Variants in SEMA6D observed in about 807,000 individuals in gnomAD.
The protein encoded by SEMA6D is semaphorin-6D.
Under a neutral mutation model 106.6 loss-of-function variants are expected in SEMA6D, and 35 were observed. That is an observed-to-expected ratio of 0.33 (90% CI 0.25 to 0.44). The LOEUF is 0.44. Ranked by LOEUF, SEMA6D falls within the 20% of genes least tolerant of loss-of-function variation. SEMA6D has a pLI of 1.00. For synonymous variants in SEMA6D, 499 were observed against 487.7 expected, an observed-to-expected ratio of 1.02 and a Z score of -0.31; for missense variants, 1,185 against 1,345.9, an observed-to-expected ratio of 0.88 and a Z score of 1.87.
chr15:47,457,626 A>T (rs887306651), intron 2 of SEMA6D, among the ~76,000 whole-genome samples: 1 of 151,990 alleles, frequency 6.6e-6, no homozygotes, highest in African/African-American at 2.4e-5. Flanking sequence ...CAATTTGAAG[A>T]TATTCCTTTA....
intron 4 of SEMA6D, among the ~76,000 whole-genome samples, chr15:47,693,803 G>C (rs2078640978): frequency 6.6e-6 from 1 of 152,024 alleles, no homozygotes; most frequent in Admixed American, 6.6e-5. Context: ...GGGTATGGTG[G>C]CTCATTCATA....
chr15:47,576,548 GGCAGCTCAACT>G (rs2076159218), intron 3 of SEMA6D, among the ~76,000 whole-genome samples: 1 of 152,206 alleles, frequency 6.6e-6, no homozygotes, highest in African/African-American at 2.4e-5. Context: ...ACCCATTAGA[GGCAGCTCAACT>G]GCACTAAATC....
intron 1 of SEMA6D, among the ~76,000 whole-genome samples, chr15:47,261,166 C>T (rs2034058425): frequency 1.3e-5 from 2 of 152,118 alleles, no homozygotes; most frequent in Non-Finnish European, 2.9e-5. Flanking sequence ...GCTTATTTTA[C>T]TAACCGAGTT....
chr15:47,329,791 C>T (rs978179532), intron 1 of SEMA6D, among the ~76,000 whole-genome samples: 1 of 152,174 alleles, frequency 6.6e-6, no homozygotes, highest in Non-Finnish European at 1.5e-5. Flanking sequence ...TGTTTTTTAA[C>T]AAGATCTTTC....
At position 47,459,283 on chromosome 15, in the gene SEMA6D, GC is replaced by G. The variant is rs201832193; in HGVS notation, c.-158-11189del. Among the ~76,000 whole-genome samples the G allele has an allele frequency of 5.1e-3, 777 of 152,130 alleles. 1 individual carries two copies. The highest frequency in any genetic ancestry group is 9.2e-3 in the Non-Finnish European group (625 of 67,974). ...ACCTCAGAGCAGCCTTCAGACAACA[GC>G]CTGTAGAAAGCCAGGCCCCTCATTC... On this transcript the variant is annotated intron_variant, in intron 2 of 19. Coordinates refer to the SEMA6D transcript ENST00000558014.
At chr15:47,225,801 A>G (rs2031614280) in intron 1 of SEMA6D, among the ~76,000 whole-genome samples, 1 of 152,028 alleles carries the variant, frequency 6.6e-6, no homozygotes, top group African/African-American at 2.4e-5. Flanking sequence ...AAGTGCTGGG[A>G]TTACAGGCGT....
At chr15:47,389,546 A>G (rs1033475847) in intron 1 of SEMA6D, among the ~76,000 whole-genome samples, 2 of 152,248 alleles carry the variant, frequency 1.3e-5, no homozygotes, top group African/African-American at 4.8e-5. Flanking sequence ...TTAGAGGTTA[A>G]CTATTGAGGT....
intron 2 of SEMA6D, among the ~76,000 whole-genome samples, chr15:47,442,587 A>G (rs1455305721): frequency 2.6e-5 from 4 of 152,108 alleles, no homozygotes; most frequent in Non-Finnish European, 4.4e-5. Flanking sequence ...AAACAGCAAC[A>G]TCTGTGGATG....
At position 47,551,673 on chromosome 15, in the gene SEMA6D, C is replaced by CTG. The variant is rs3050565; in HGVS notation, c.-86-49166_-86-49165dup. On this transcript the variant is annotated intron_variant, in intron 3 of 19. Transcript: ENST00000558014. Reference sequence around the variant, plus strand: ...CCATCGAAGTCTAACATCTGGGACTCTGTGTGTGTGTGTGTGTGTGTGTGT... The same window carrying CTG: ...CCATCGAAGTCTAACATCTGGGACTCTGTGTGTGTGTGTGTGTGTGTGTGTGT... Among the ~76,000 whole-genome samples the CTG allele has an allele frequency of 4.7e-4, 67 of 141,366 alleles. 2 individuals are homozygous for CTG. The South Asian group carries it at 5.7e-3, about 12-fold the overall frequency. 92.7% of individuals were successfully genotyped at this position (141,366 alleles called of 152,430 possible). A position where few individuals can be genotyped will look rare whatever the true frequency, so the allele number is the denominator to read the frequency against.
intron 3 of SEMA6D, among the ~76,000 whole-genome samples, chr15:47,568,832 A>G (rs982682826): frequency 1.3e-5 from 2 of 152,184 alleles, no homozygotes; most frequent in African/African-American, 4.8e-5. Context: ...GTGAGCTAAC[A>G]CACATAACAG....
intron 3 of SEMA6D, among the ~76,000 whole-genome samples, chr15:47,593,568 A>G (rs936487592): frequency 6.6e-6 from 1 of 152,014 alleles, no homozygotes; most frequent in Non-Finnish European, 1.5e-5. Context: ...ACACCAAGAC[A>G]TTCTCCCTTC....
At chr15:47,193,029 G>C (rs983051442) in intron 1 of SEMA6D, among the ~76,000 whole-genome samples, 2 of 152,088 alleles carry the variant, frequency 1.3e-5, no homozygotes, top group Non-Finnish European at 2.9e-5. Flanking sequence ...TTTGGGCCTG[G>C]ATCATTGCCT....
intron 3 of SEMA6D, among the ~76,000 whole-genome samples, chr15:47,481,024 G>A (rs1015750705): frequency 6.6e-6 from 1 of 152,144 alleles, no homozygotes; most frequent in Admixed American, 6.6e-5. Flanking sequence ...TTATAAGGCT[G>A]CCTCCACTAT....
chr15:47,227,429 C>CTTTCTTTCT (rs1273454379), intron 1 of SEMA6D, among the ~76,000 whole-genome samples: 2 of 145,722 alleles, frequency 1.4e-5, no homozygotes, highest in East Asian at 2.0e-4. Context: ...CTCTTTCTTT[C>CTTTCTTTCT]TTTCTTTCTT....
chr15:47,642,643 C>T (rs1214729681), intron 4 of SEMA6D, among the ~76,000 whole-genome samples: 1 of 152,056 alleles, frequency 6.6e-6, no homozygotes, highest in Admixed American at 6.5e-5. Context: ...GTGGCCCAGC[C>T]GGGAGTCTGT....
chr15:47,686,930 A>G (rs8026338), intron 4 of SEMA6D, among the ~76,000 whole-genome samples: 108,776 of 151,590 alleles, frequency 0.72, 39,673 homozygotes, highest in African/African-American at 0.87. Flanking sequence ...TCTAAGAGGG[A>G]TGGCTTGTAC....
chr15:47,193,199 C>G (rs1425570596), intron 1 of SEMA6D, among the ~76,000 whole-genome samples: 1 of 152,158 alleles, frequency 6.6e-6, no homozygotes, highest in Admixed American at 6.5e-5. Flanking sequence ...CAGGTTACTT[C>G]TCTTCCATTT....
chr15:47,292,884 C>T (rs2035650209), intron 1 of SEMA6D, among the ~76,000 whole-genome samples: 1 of 152,156 alleles, frequency 6.6e-6, no homozygotes, highest in African/African-American at 2.4e-5. Context: ...CAAATATTTG[C>T]TCTTCATTTC....
At chr15:47,228,873 C>A (rs929890464) in intron 1 of SEMA6D, among the ~76,000 whole-genome samples, 1 of 151,942 alleles carries the variant, frequency 6.6e-6, no homozygotes. Context: ...AAATAAATGA[C>A]CATGAATAAA....
Sources: allele counts gnomAD v4.1 joint callset (sites outside exome capture counted in the v4.1 genomes callset), GRCh38; gene constraint gnomAD v4.1.1; transcripts MANE v1.5; gene names NCBI Gene and HGNC (gene_info 2026-07-23, HGNC 2026-07-21).